The following KCNQ5 variants were observed in gnomAD, a reference collection of about 807,000 sequenced individuals.
The protein encoded by KCNQ5 is potassium voltage-gated channel subfamily Q member 5.
Under a neutral mutation model 98.2 loss-of-function variants are expected in KCNQ5, and 30 were observed. The observed-to-expected ratio is 0.31, with a 90% CI of 0.23 to 0.41. The LOEUF is 0.41. Among genes scored for constraint, KCNQ5 ranks in the 10% least tolerant of loss-of-function variants. KCNQ5 has a pLI of 1.00. For missense variants in KCNQ5, 835 were observed against 1,182.5 expected (o/e 0.71, Z 4.31); for synonymous variants, 458 against 449.4 (o/e 1.02, Z -0.24).
intron 1 of KCNQ5, among the ~76,000 whole-genome samples, chr6:72,926,373 A>C (rs1765419918): frequency 6.6e-6 from 1 of 152,176 alleles, no homozygotes; most frequent in Admixed American, 6.6e-5. Flanking sequence ...TGTCTGCTAA[A>C]GCTTCATTTC....
At chr6:72,700,291 ATATCTATCTATCTATC>A (rs70994146) in intron 1 of KCNQ5, among the ~76,000 whole-genome samples, 195 of 149,178 alleles carry the variant, frequency 1.3e-3, no homozygotes, top group Middle Eastern at 3.4e-3. Flanking sequence ...CTATATATCT[ATATCTATCTATCTATC>A]TATCTATCTA....
intron 2 of KCNQ5, among the ~76,000 whole-genome samples, chr6:73,029,429 T>C (rs1771034538): frequency 6.6e-6 from 1 of 151,792 alleles, no homozygotes; most frequent in South Asian, 2.1e-4. Context: ...TTAGGGAGCA[T>C]TAAAAAAAAT....
intron 1 of KCNQ5, among the ~76,000 whole-genome samples, chr6:72,812,319 A>G (rs1775283468): frequency 6.6e-6 from 1 of 152,166 alleles, no homozygotes. Flanking sequence ...CATTTTATGC[A>G]GTCCTTATTC....
At chr6:73,012,734 T>C (rs930995581) in intron 2 of KCNQ5, among the ~76,000 whole-genome samples, 2 of 152,006 alleles carry the variant, frequency 1.3e-5, no homozygotes, top group African/African-American at 4.8e-5. Flanking sequence ...ACCTAAGTGA[T>C]GGGTTGATAG....
In KCNQ5 at chr6:72,622,353, G is replaced by T. The variant is rs945245523; in HGVS notation, c.164G>T (p.Gly55Val). ...CTGCTGAACTCGGCAGCCGCCAGGGGCGACGGCCTGCTACTGCTGGGCACC... is the reference window on the plus strand; with the variant it reads ...CTGCTGAACTCGGCAGCCGCCAGGGTCGACGGCCTGCTACTGCTGGGCACC... ...RVLLNSAAAR[G>V]DGLLLLGTRA... Residue 55 changes from glycine (G) to valine (V), a missense_variant, in exon 1 of 14, where the codon GGC becomes GTC. Gly to Val is a moderately radical substitution (Grantham distance 109). Coordinates refer to ENST00000370398, the MANE Select transcript of KCNQ5 (RefSeq NM_019842.4). This position sits in a 1 kb window ranked among gnomAD's most constrained non-coding sequence, Gnocchi z 6.0. 2.4e-5 allele frequency: 34 copies of T among 1,434,382 alleles called. No individual in the cohort carries two copies. Among genetic ancestry groups the T allele is most frequent in the Non-Finnish European group, 2.6e-5 (28 of 1,096,992 alleles). 88.9% of individuals were successfully genotyped at this position (1,434,382 alleles called of 1,614,324 possible). A position where few individuals can be genotyped will look rare whatever the true frequency, so the allele number is the denominator to read the frequency against.
intron 9 of KCNQ5, among the ~76,000 whole-genome samples, chr6:73,128,375 T>C (rs989076668): frequency 2.6e-5 from 4 of 152,244 alleles, no homozygotes; most frequent in African/African-American, 9.6e-5. Flanking sequence ...GGAAAAGTCA[T>C]TTTTAAAATG....
intron 1 of KCNQ5, among the ~76,000 whole-genome samples, chr6:72,964,940 T>C (rs1767533483): frequency 1.9e-5 from 2 of 107,362 alleles, no homozygotes; most frequent in Non-Finnish European, 5.0e-5. Context: ...TCGTGCTTTT[T>C]TTAAAAAAAA....
At chr6:72,998,736 CA>C (rs879644983) in intron 1 of KCNQ5, among the ~76,000 whole-genome samples, 1,514 of 132,792 alleles carry the variant, frequency 0.011, 23 homozygotes, top group African/African-American at 0.033. Flanking sequence ...GACTCCATCT[CA>C]AAAAAAAAAA....
chr6:72,895,302 A>C (rs9350476), intron 1 of KCNQ5, among the ~76,000 whole-genome samples: 7 of 150,668 alleles, frequency 4.6e-5, no homozygotes, highest in Non-Finnish European at 1.0e-4. Context: ...AAAAAAAAAA[A>C]GAAAAAAAAC....
intron 1 of KCNQ5, among the ~76,000 whole-genome samples, chr6:72,884,501 T>G (rs1778776983): frequency 6.6e-6 from 1 of 152,132 alleles, no homozygotes; most frequent in Non-Finnish European, 1.5e-5. Flanking sequence ...GCATAGAGGG[T>G]CCGTCCTCAG....
At chr6:73,021,713 G>A (rs1473178157) in intron 2 of KCNQ5, among the ~76,000 whole-genome samples, 1 of 152,074 alleles carries the variant, frequency 6.6e-6, no homozygotes, top group African/African-American at 2.4e-5. Context: ...TAGTATATAG[G>A]TTCAATGCCT....
intron 1 of KCNQ5, among the ~76,000 whole-genome samples, chr6:72,912,505 A>G (rs1159371965): frequency 6.6e-6 from 1 of 152,116 alleles, no homozygotes; most frequent in Non-Finnish European, 1.5e-5. Context: ...GTAATGCAAA[A>G]TGCTCAGGCT....
At chr6:73,050,257 G>GGAAGGAA in intron 3 of KCNQ5, among the ~76,000 whole-genome samples, 1 of 76,248 alleles carries the variant, frequency 1.3e-5, no homozygotes, top group Non-Finnish European at 2.3e-5. Flanking sequence ...GAAGGAAGGA[G>GGAAGGAA]GGAAGGAAGG....
At chr6:72,799,443 C>A (rs191590773) in intron 1 of KCNQ5, among the ~76,000 whole-genome samples, 8 of 152,280 alleles carry the variant, frequency 5.3e-5, no homozygotes, top group Non-Finnish European at 8.8e-5. Context: ...TAAAACTTGT[C>A]CTCATACATG....
intron 1 of KCNQ5, among the ~76,000 whole-genome samples, chr6:72,979,761 C>A (rs1239876137): frequency 6.6e-6 from 1 of 152,150 alleles, no homozygotes; most frequent in Non-Finnish European, 1.5e-5. Context: ...GTGCCTATGT[C>A]CTGAATGGTA....
intron 3 of KCNQ5, among the ~76,000 whole-genome samples, chr6:73,064,225 A>G (rs965117271): frequency 3.9e-5 from 6 of 152,218 alleles, no homozygotes; most frequent in African/African-American, 1.2e-4. Context: ...GAAAATAAGT[A>G]TCAAGTTTCT....
chr6:72,762,254 A>C (rs1048119442), intron 1 of KCNQ5, among the ~76,000 whole-genome samples: 6 of 152,008 alleles, frequency 3.9e-5, no homozygotes, highest in African/African-American at 1.4e-4. Flanking sequence ...TTTGTGGTTA[A>C]CTTTACAGAT....
At chr6:72,806,813 G>T (rs1218696543) in intron 1 of KCNQ5, 2 of 450,860 alleles carry the variant, frequency 4.4e-6, no homozygotes, top group African/African-American at 2.0e-5. Flanking sequence ...CCACTGGACT[G>T]AAGCTCATTA....
chr6:72,855,270 C>T (rs1011193978), intron 1 of KCNQ5, among the ~76,000 whole-genome samples: 1 of 147,616 alleles, frequency 6.8e-6, no homozygotes, highest in Non-Finnish European at 1.5e-5. Context: ...ATCTAAGGAA[C>T]ATGAAAGCCC....
Sources: allele counts gnomAD v4.1 joint callset (sites outside exome capture counted in the v4.1 genomes callset), GRCh38; gene constraint gnomAD v4.1.1; non-coding constraint Gnocchi (gnomAD v3.1); transcripts MANE v1.5; gene names NCBI Gene and HGNC (gene_info 2026-07-23, HGNC 2026-07-21).